Variants in SSPN observed in about 807,000 individuals in gnomAD.
SSPN encodes the protein K-ras oncogene-associated protein.
In SSPN, 15 loss-of-function variants were observed where a neutral mutation model predicts 19.1. That is an observed-to-expected ratio of 0.78 (90% CI 0.52 to 1.21). The LOEUF (loss-of-function observed/expected upper bound fraction) is 1.21. Ranked by LOEUF, SSPN falls within the 50% of genes most tolerant of loss-of-function variation. SSPN has a pLI of 0.00. For missense variants in SSPN, 291 were observed against 314.0 expected (o/e 0.93, Z 0.55); for synonymous variants, 147 against 140.3 (o/e 1.05, Z -0.34).
At chr12:26,226,742 C>T (rs1406028586) in intron 2 of SSPN, among the ~76,000 whole-genome samples, 1 of 152,170 alleles carries the variant, frequency 6.6e-6, no homozygotes, top group Non-Finnish European at 1.5e-5. Flanking sequence ...CCTGCGGAAA[C>T]ATTCCAGGGC....
chr12:26,230,097 C>T (rs774867022), intron 2 of SSPN, among the ~76,000 whole-genome samples: 7 of 151,904 alleles, frequency 4.6e-5, no homozygotes, highest in African/African-American at 7.3e-5. Context: ...GTTTCACAGG[C>T]GATGAAGCTG....
rs532390139 is a variant in SSPN, at chr12:26,177,554, C to T, written c.-30-46739C>T. 5.9e-5 allele frequency among the ~76,000 whole-genome samples: 9 copies of T among 152,282 alleles called. No homozygotes were observed. The South Asian group carries it at 1.9e-3, about 32-fold the overall frequency. ...CCCCACCCGTAGCTTCCCCTCCCAT[C>T]AAGGAGCTCCTTATTTTTGCCTCCT... is the stretch of plus-strand genomic sequence containing the variant. On this transcript the variant is annotated intron_variant, in intron 1 of 2. Transcript: ENST00000538142.
chr12:26,181,399 G>A (rs916576069), intron 1 of SSPN: 44 of 152,192 alleles, frequency 2.9e-4, no homozygotes, highest in African/African-American at 1.0e-3. Context: ...CTTTCTGATT[G>A]TTGAAGGGAG....
intron 1 of SSPN, among the ~76,000 whole-genome samples, chr12:26,182,614 CT>C (rs2137443306): frequency 2.2e-5 from 3 of 139,246 alleles, no homozygotes; most frequent in Admixed American, 7.3e-5. Flanking sequence ...CTTCCCTTCC[CT>C]TCCCTTCCCT....
At chr12:26,197,296 G>A (rs1394976269) in intron 1 of SSPN, among the ~76,000 whole-genome samples, 1 of 152,150 alleles carries the variant, frequency 6.6e-6, no homozygotes, top group African/African-American at 2.4e-5. Context: ...CACAATTTTT[G>A]CATAGTAATT....
rs1945259195 is a variant in SSPN at position 26,233,715 on chromosome 12, A to G, written c.*2639A>G. 1 of 152,146 alleles carries G rather than the reference A, an allele frequency of 6.6e-6. No homozygotes were observed. The highest frequency in any genetic ancestry group is 1.5e-5 in the Non-Finnish European group (1 of 68,030). 9.4% of individuals were successfully genotyped at this position (152,146 alleles called of 1,614,324 possible). A position where few individuals can be genotyped will look rare whatever the true frequency, so the allele number is the denominator to read the frequency against. On this transcript the variant is annotated 3_prime_UTR_variant, in exon 3 of 3. Coordinates refer to ENST00000242729, the MANE Select transcript of SSPN (RefSeq NM_005086.5). This position sits in a 1 kb window ranked among gnomAD's most constrained non-coding sequence, Gnocchi z 4.3. ...CCAAGATGGTGACTGTCTCCTCTAA[A>G]CCACGAAAGAGTAAGATTTGTGCAA...
At chr12:26,205,832 T>C (rs1362764973) in intron 1 of SSPN, among the ~76,000 whole-genome samples, 1 of 152,190 alleles carries the variant, frequency 6.6e-6, no homozygotes, top group Non-Finnish European at 1.5e-5. Context: ...GTTCAATAAG[T>C]TTATGTACTT....
At chr12:26,227,288 G>A (rs1209435190) in intron 2 of SSPN, among the ~76,000 whole-genome samples, 1 of 152,140 alleles carries the variant, frequency 6.6e-6, no homozygotes, top group Admixed American at 6.5e-5. Context: ...ATATATTTAT[G>A]TCTTAAAATG....
chr12:26,181,126 AAGG>A (rs1159365006), intron 1 of SSPN: 2 of 152,212 alleles, frequency 1.3e-5, no homozygotes, highest in African/African-American at 2.4e-5. Flanking sequence ...CTATGTATAT[AAGG>A]AGATCTATTT....
intron 1 of SSPN, among the ~76,000 whole-genome samples, chr12:26,208,056 G>C (rs1227388898): frequency 6.6e-6 from 1 of 151,716 alleles, no homozygotes; most frequent in African/African-American, 2.4e-5. Context: ...TCATTCTCTT[G>C]TTGAAGAAAA....
At chr12:26,201,023 A>ATATATATAT (rs1944874975) in intron 1 of SSPN, among the ~76,000 whole-genome samples, 6 of 33,454 alleles carry the variant, frequency 1.8e-4, no homozygotes, top group African/African-American at 2.0e-4. Flanking sequence ...ATATATATAT[A>ATATATATAT]TATATATATA....
intron 1 of SSPN, among the ~76,000 whole-genome samples, chr12:26,159,483 G>C (rs1944575146): frequency 6.6e-6 from 1 of 152,208 alleles, no homozygotes; most frequent in Admixed American, 6.5e-5. Flanking sequence ...GCACTCAGAT[G>C]AAGATCCCAC....
chr12:26,123,119 G>A (rs1944329317), intron 1 of SSPN: 5 of 1,610,394 alleles, frequency 3.1e-6, no homozygotes, highest in Non-Finnish European at 4.2e-6. Flanking sequence ...GAAATCCCGA[G>A]TGGAACGCAT....
chr12:26,217,984 T>A (rs1260713416), intron 1 of SSPN, among the ~76,000 whole-genome samples: 1 of 151,966 alleles, frequency 6.6e-6, no homozygotes, highest in Non-Finnish European at 1.5e-5. Context: ...CTCAAAGGAC[T>A]ATAAATCATG....
intron 1 of SSPN, among the ~76,000 whole-genome samples, chr12:26,201,046 T>TATATATATATAA (rs59727119): frequency 3.9e-5 from 3 of 77,208 alleles, no homozygotes; most frequent in African/African-American, 1.6e-4. Flanking sequence ...TATATATATA[T>TATATATATATAA]TATATATATA....
chr12:26,155,538 C>T (rs1810413828), intron 1 of SSPN, among the ~76,000 whole-genome samples: 1 of 152,192 alleles, frequency 6.6e-6, no homozygotes, highest in Admixed American at 6.5e-5. Context: ...AGTCTTTAGG[C>T]ACCTCAGTAA....
intron 1 of SSPN, chr12:26,214,787 T>G (rs1184920004): frequency 6.6e-6 from 1 of 152,102 alleles, no homozygotes. Flanking sequence ...CCTAAAAATA[T>G]AATGAAAAAG....
chr12:26,223,469 C>T (rs563383788), intron 1 of SSPN, among the ~76,000 whole-genome samples: 7 of 152,222 alleles, frequency 4.6e-5, no homozygotes, highest in African/African-American at 1.4e-4. Flanking sequence ...CTCGGCCTCC[C>T]GAAGTGTTGG....
intron 1 of SSPN, among the ~76,000 whole-genome samples, chr12:26,159,832 G>T (rs16930227): frequency 0.22 from 33,968 of 152,192 alleles, 3,982 homozygotes; most frequent in East Asian, 0.31. Flanking sequence ...TGCTCCCTGA[G>T]TGGCATCCTG....
Sources: allele counts gnomAD v4.1 joint callset (sites outside exome capture counted in the v4.1 genomes callset), GRCh38; gene constraint gnomAD v4.1.1; non-coding constraint Gnocchi (gnomAD v3.1); transcripts MANE v1.5; gene names NCBI Gene and HGNC (gene_info 2026-07-23, HGNC 2026-07-21).